The following INPP5F variants were observed in gnomAD, a reference collection of about 807,000 sequenced individuals.
The protein encoded by INPP5F is phosphatidylinositide 4-phosphatase SAC2.
In INPP5F, 97 loss-of-function variants were observed where a neutral mutation model predicts 137.2. That is an observed-to-expected ratio of 0.71 (90% confidence interval 0.60 to 0.84). INPP5F has a LOEUF of 0.84. INPP5F is among the 40% of genes least tolerant of loss of function. The pLI is 0.00. For synonymous variants in INPP5F, 504 were observed against 476.9 expected (o/e 1.06, Z -0.74); for missense variants, 1,271 against 1,371.9 (o/e 0.93, Z 1.16).
intron 2 of INPP5F, 53 bp downstream of exon 2, chr10:119,751,209 G>T (rs1253307704): frequency 3.6e-6 from 4 of 1,115,848 alleles, no homozygotes; most frequent in Non-Finnish European, 5.5e-6. Flanking sequence ...GCATTTTTTG[G>T]TGTTTTCCTC....
Position 119,781,665 on chromosome 10 carries a change from A to G in INPP5F, c.209A>G (p.Gln70Arg), listed in dbSNP as rs548851068. The change falls in exon 3 of 20, where the codon CAG becomes CGG. Residue 70 changes from glutamine (Q) to arginine (R), a missense_variant. Around this residue, in one of 6 missense-constraint regions of INPP5F, gnomAD observed 109 missense variants for 105.1 expected, o/e 1.04. Transcript: ENST00000650623. ...DLPWWLILIR[Q>R]KALVGKLPGD... is the part of the protein sequence containing the mutation. ...CCATGGTGGCTTATTCTAATTCGGCAGAAAGCATTGGTGGGCAAACTCCCA... is the reference window on the plus strand; with the variant it reads ...CCATGGTGGCTTATTCTAATTCGGCGGAAAGCATTGGTGGGCAAACTCCCA... 5 of 1,612,056 alleles carry G rather than the reference A, an allele frequency of 3.1e-6. No individual in the cohort carries two copies. In the South Asian group the frequency reaches 5.5e-5, roughly 18 times the overall value.
At chr10:119,779,020 T>C (rs1175782051) in intron 2 of INPP5F, among the ~76,000 whole-genome samples, 2 of 152,150 alleles carry the variant, frequency 1.3e-5, no homozygotes, top group Non-Finnish European at 2.9e-5. Flanking sequence ...CCCATCCCCC[T>C]CTTCTCTGTA....
At chr10:119,785,316 C>T (rs1287534493) in intron 3 of INPP5F, among the ~76,000 whole-genome samples, 37 of 102,998 alleles carry the variant, frequency 3.6e-4, no homozygotes, top group South Asian at 9.9e-4. Context: ...GACGGAGCCT[C>T]GCTCTGTCGC....
intron 8 of INPP5F, among the ~76,000 whole-genome samples, chr10:119,798,284 CTT>C (rs1005293958): frequency 2.6e-5 from 4 of 151,908 alleles, no homozygotes; most frequent in East Asian, 3.9e-4. Flanking sequence ...TACGTGAAAA[CTT>C]TTCTGAGAAG....
At chr10:119,802,892 T>C (rs1339787245) in intron 9 of INPP5F, among the ~76,000 whole-genome samples, 1 of 152,216 alleles carries the variant, frequency 6.6e-6, no homozygotes, top group Non-Finnish European at 1.5e-5. Flanking sequence ...TATTCACGTT[T>C]GCCTAGGTAT....
chr10:119,796,868 C>G lies in INPP5F; in HGVS notation c.823C>G (p.Arg275Gly). The part of the protein sequence containing the change: ...ESTCVDDIHP[R>G]FLVALISRRS... ...CACCTGTGTAGATGATATTCACCCA[C>G]GATTTCTAGTGGCTCTCATTTCACG... The change falls in exon 7 of 20, where the codon CGA becomes GGA. Residue 275 changes from arginine to glycine, a missense_variant. Arg to Gly is a moderately radical substitution (Grantham distance 125, BLOSUM62 -2). Transcript: ENST00000650623. The G allele has an allele frequency of 6.2e-7, 1 of 1,614,094 alleles. No individual in the cohort carries two copies. The highest frequency in any genetic ancestry group is 1.3e-5 in the African/African-American group (1 of 75,018).
intron 2 of INPP5F, among the ~76,000 whole-genome samples, chr10:119,758,005 C>T (rs1848900777): frequency 6.6e-6 from 1 of 152,158 alleles, no homozygotes; most frequent in South Asian, 2.1e-4. Flanking sequence ...TAACAAGTAT[C>T]TATGGAGTAC....
intron 6 of INPP5F, among the ~76,000 whole-genome samples, chr10:119,794,303 C>G (rs1850248482): frequency 6.6e-6 from 1 of 152,158 alleles, no homozygotes; most frequent in African/African-American, 2.4e-5. Context: ...TGAGTGGATA[C>G]AGCACATGTT....
intron 15 of INPP5F, among the ~76,000 whole-genome samples, chr10:119,820,535 C>T (rs753204992): frequency 2.6e-5 from 4 of 152,228 alleles, no homozygotes; most frequent in Non-Finnish European, 5.9e-5. Context: ...AACTGCTTCT[C>T]TATCATCCTC....
At chr10:119,745,699 C>CTTTTT (rs35485618) in intron 1 of INPP5F, among the ~76,000 whole-genome samples, 18 of 90,542 alleles carry the variant, frequency 2.0e-4, no homozygotes, top group South Asian at 8.1e-4. Flanking sequence ...AGGCTCATTC[C>CTTTTT]TTTTTTTTTT....
At chr10:119,755,965 G>C (rs893466366) in intron 2 of INPP5F, among the ~76,000 whole-genome samples, 1 of 152,080 alleles carries the variant, frequency 6.6e-6, no homozygotes, top group Non-Finnish European at 1.5e-5. Flanking sequence ...AGGCCAGCCT[G>C]ACCAACATGG....
intron 3 of INPP5F, among the ~76,000 whole-genome samples, chr10:119,783,936 C>T (rs904762019): frequency 1.3e-5 from 2 of 152,136 alleles, no homozygotes; most frequent in African/African-American, 4.8e-5. Context: ...ATTTCCAGGT[C>T]CTATCTCAGT....
At position 119,811,762 on chromosome 10, in the gene INPP5F, A is replaced by T; in HGVS notation, c.1693A>T (p.Met565Leu). 2.5e-6 allele frequency: 4 copies of T among 1,612,700 alleles called. No homozygotes were observed. In the South Asian group the frequency reaches 4.4e-5, roughly 18 times the overall value. ...DAYRQAVIDL[M>L]QGIPVTEDLY... Reference sequence around the variant, plus strand: ...TATTAACAATTCCACCCTAGATTTGATGCAAGGCATTCCAGTGACAGAAGA... The same window carrying T: ...TATTAACAATTCCACCCTAGATTTGTTGCAAGGCATTCCAGTGACAGAAGA... Residue 565 changes from methionine (M) to leucine (L), a missense_variant, in exon 15 of 20, where the codon ATG becomes TTG. Physicochemically the swap from Met to Leu is conservative, Grantham distance 15. Transcript: ENST00000650623.
chr10:119,763,416 C>T (rs1468123348), intron 2 of INPP5F, among the ~76,000 whole-genome samples: 1 of 152,230 alleles, frequency 6.6e-6, no homozygotes, highest in Non-Finnish European at 1.5e-5. Flanking sequence ...ACCAAGGAAG[C>T]AGCCCTGATG....
chr10:119,756,865 CAAAAAAAAAAA>C (rs11415974), intron 2 of INPP5F, among the ~76,000 whole-genome samples: 1 of 97,346 alleles, frequency 1.0e-5, no homozygotes, highest in Non-Finnish European at 1.9e-5. Flanking sequence ...AGCTCTGCCA[CAAAAAAAAAAA>C]AAAAAAAAAA....
intron 2 of INPP5F, among the ~76,000 whole-genome samples, chr10:119,766,622 A>C (rs2134151952): frequency 6.6e-6 from 1 of 152,348 alleles, no homozygotes; most frequent in African/African-American, 2.4e-5. Flanking sequence ...AAGCAGCCAA[A>C]GAAAAAAATA....
chr10:119,785,077 T>A (rs777482899), intron 3 of INPP5F, among the ~76,000 whole-genome samples: 3 of 152,190 alleles, frequency 2.0e-5, no homozygotes, highest in Non-Finnish European at 4.4e-5. Flanking sequence ...CTTGTATGGG[T>A]ATGTCATGTT....
At position 119,781,624 on chromosome 10, in the gene INPP5F, T is replaced by C; in HGVS notation, c.179-11T>C. ...AAAACGCCAGACTTTATTATGACTC[T>C]CCTCTTTCAGATCTTCCATGGTGGC... On this transcript the variant is annotated splice_polypyrimidine_tract_variant and intron_variant, in intron 2 of 19. Transcript: ENST00000650623. 1 of 1,600,322 alleles carries C rather than the reference T, an allele frequency of 6.2e-7. No homozygotes were observed. The highest frequency in any genetic ancestry group is 8.5e-7 in the Non-Finnish European group (1 of 1,171,304).
At chr10:119,753,705 G>A (rs1403060204) in intron 2 of INPP5F, among the ~76,000 whole-genome samples, 1 of 152,220 alleles carries the variant, frequency 6.6e-6, no homozygotes, top group African/African-American at 2.4e-5. Flanking sequence ...CAAGGTAAAA[G>A]AAACTGGTCT....
Sources: allele counts gnomAD v4.1 joint callset (sites outside exome capture counted in the v4.1 genomes callset), GRCh38; gene constraint gnomAD v4.1.1; regional missense constraint gnomAD v4.1.1; transcripts MANE v1.5; gene names NCBI Gene and HGNC (gene_info 2026-07-23, HGNC 2026-07-21).